DNAJA3: variants seen among roughly 807,000 people sequenced by gnomAD.
DNAJA3 encodes DnaJ heat shock protein family (Hsp40) member A3.
DNAJA3 carries 29 observed loss-of-function variants against 54.9 expected under a neutral mutation model. The observed-to-expected ratio is 0.53, with a 90% CI of 0.39 to 0.72. The LOEUF (loss-of-function observed/expected upper bound fraction) is 0.72. DNAJA3 is among the 30% of genes least tolerant of loss of function. The probability of loss-of-function intolerance (pLI) is 0.00; values close to 1 mark genes in which losing one functional copy is unlikely to be tolerated. For missense variants in DNAJA3, 708 were observed against 639.4 expected (o/e 1.11, Z -1.16); for synonymous variants, 302 against 251.4 (o/e 1.20, Z -1.90).
intron 10 of DNAJA3, among the ~76,000 whole-genome samples, chr16:4,451,564 C>G (rs1475880455): frequency 6.6e-6 from 1 of 151,714 alleles, no homozygotes; most frequent in Non-Finnish European, 1.5e-5. Context: ...TGAGACCAGC[C>G]TGGACAGCAT....
At chr16:4,449,922 T>G (rs2056955481) in intron 9 of DNAJA3, 1 of 152,654 alleles carries the variant, frequency 6.6e-6, no homozygotes, top group Non-Finnish European at 1.5e-5. Context: ...CCCAAGTAGC[T>G]GGGACTATAG....
Position 4,446,896 on chromosome 16 carries a change from G to GCCCT in DNAJA3, c.1008_1011dup (p.Val338ProfsTer61). Reference sequence around the variant, plus strand: ...CATGTTTGGCCTTAGGTGCAGAAAAGCCCTGTGTTCCGGAGGGACGGCGCA... The same window carrying GCCCT: ...CATGTTTGGCCTTAGGTGCAGAAAAGCCCTCCCTGTGTTCCGGAGGGACGGCGCA... On this transcript the variant is annotated frameshift_variant, in exon 8 of 12. Coordinates refer to ENST00000262375, the MANE Select transcript of DNAJA3 (RefSeq NM_005147.6). LOFTEE classifies it high-confidence loss of function. 6.2e-7 allele frequency: 1 copy of GCCCT among 1,614,044 alleles called. No individual in the cohort carries two copies. Among genetic ancestry groups the GCCCT allele is most frequent in the Non-Finnish European group, 8.5e-7 (1 of 1,180,016 alleles).
rs572332973 is a variant in DNAJA3 at position 4,454,808 on chromosome 16, C to T, written c.1340-3C>T. On this transcript the variant is annotated splice_polypyrimidine_tract_variant and splice_region_variant and intron_variant, in intron 10 of 11. Coordinates refer to ENST00000262375, the MANE Select transcript of DNAJA3 (RefSeq NM_005147.6). ...GCCAGTTCTTTCTGCTGTTTGTGCC[C>T]AGGTGGCAGCACCATGGATAGCTCC... 4 of 1,610,250 alleles carry T rather than the reference C, an allele frequency of 2.5e-6. No homozygotes were observed. In the Admixed American group the frequency reaches 5.0e-5, roughly 20 times the overall value.
chr16:4,448,201 T>C (rs1012201744), intron 8 of DNAJA3, among the ~76,000 whole-genome samples: 8 of 151,164 alleles, frequency 5.3e-5, no homozygotes, highest in African/African-American at 1.9e-4. Context: ...TAATTTTTTG[T>C]ATTTTAGTAG....
intron 5 of DNAJA3, chr16:4,442,650 G>A: frequency 5.7e-6 from 3 of 530,890 alleles, no homozygotes; most frequent in Non-Finnish European, 9.8e-6. Context: ...GCGGGGGATT[G>A]CATCCAGTTG....
chr16:4,432,133 C>G (rs931788905), intron 1 of DNAJA3, among the ~76,000 whole-genome samples: 1 of 149,610 alleles, frequency 6.7e-6, no homozygotes, highest in Non-Finnish European at 1.5e-5. Flanking sequence ...TTTTCCATGT[C>G]ATAAGTTTAT....
intron 7 of DNAJA3, among the ~76,000 whole-genome samples, chr16:4,446,238 T>G (rs1057033484): frequency 1.4e-5 from 2 of 145,694 alleles, no homozygotes; most frequent in Admixed American, 1.4e-4. Context: ...TCTAATAAAG[T>G]AAGATTTTTT....
intron 10 of DNAJA3, among the ~76,000 whole-genome samples, chr16:4,452,631 G>A (rs77287085): frequency 0.011 from 1,742 of 152,252 alleles, 37 homozygotes; most frequent in African/African-American, 0.04. Context: ...TGGTGAGGCC[G>A]GATGCAGCGG....
At chr16:4,429,293 G>A (rs767595416) in intron 1 of DNAJA3, among the ~76,000 whole-genome samples, 3 of 151,960 alleles carry the variant, frequency 2.0e-5, no homozygotes, top group Non-Finnish European at 2.9e-5. Context: ...CCGTGATCTC[G>A]GCTCACCGCA....
chr16:4,428,915 G>A (rs1380916207), intron 1 of DNAJA3, among the ~76,000 whole-genome samples: 1 of 141,124 alleles, frequency 7.1e-6, no homozygotes, highest in Non-Finnish European at 1.5e-5. Context: ...TTGAGACGGA[G>A]TCTCACTCTG....
chr16:4,455,700 T>C lies in DNAJA3; in HGVS notation c.*168T>C. 9.8e-7 allele frequency: 1 copy of C among 1,023,672 alleles called. No individual in the cohort carries two copies. Among genetic ancestry groups the C allele is most frequent in the Non-Finnish European group, 1.5e-6 (1 of 680,346 alleles). 63.4% of individuals were successfully genotyped at this position (1,023,672 alleles called of 1,614,324 possible). A position where few individuals can be genotyped will look rare whatever the true frequency, so the allele number is the denominator to read the frequency against. Reference sequence around the variant, plus strand: ...AACAGCAAAATCATGGGACAACACCTCTCTCCACGGAAAGGTCACAGTGGA... The same window carrying C: ...AACAGCAAAATCATGGGACAACACCCCTCTCCACGGAAAGGTCACAGTGGA... On this transcript the variant is annotated 3_prime_UTR_variant, in exon 12 of 12. Transcript: ENST00000262375.
chr16:4,442,869 C>T (rs1215634003), intron 5 of DNAJA3, 148 bp from the exon 6 acceptor site: 4 of 791,546 alleles, frequency 5.1e-6, no homozygotes, highest in Non-Finnish European at 8.0e-6. Context: ...TGAGGCCCTG[C>T]ACCTGGGTTC....
At chr16:4,435,471 TA>T (rs2056762545) in intron 2 of DNAJA3, among the ~76,000 whole-genome samples, 2 of 152,180 alleles carry the variant, frequency 1.3e-5, no homozygotes, top group South Asian at 2.1e-4. Flanking sequence ...CTGTATTCAT[TA>T]GCACTCCCCT....
chr16:4,433,039 G>A (rs951517222), intron 1 of DNAJA3, among the ~76,000 whole-genome samples: 1 of 152,150 alleles, frequency 6.6e-6, no homozygotes, highest in Non-Finnish European at 1.5e-5. Flanking sequence ...CTACTTGGGA[G>A]GCTGAGGCAG....
At chr16:4,431,065 A>G (rs2056693508) in intron 1 of DNAJA3, 1 of 152,164 alleles carries the variant, frequency 6.6e-6, no homozygotes, top group Admixed American at 6.6e-5. Flanking sequence ...AAACAAAGCC[A>G]TCAGTCTTGT....
chr16:4,431,406 C>G (rs569872442), intron 1 of DNAJA3, among the ~76,000 whole-genome samples: 4 of 152,324 alleles, frequency 2.6e-5, no homozygotes, highest in Admixed American at 2.6e-4. Flanking sequence ...ATTGGGTGTG[C>G]CAAACACACG....
intron 2 of DNAJA3, among the ~76,000 whole-genome samples, chr16:4,436,504 G>T (rs528635974): frequency 2.0e-5 from 3 of 152,274 alleles, no homozygotes; most frequent in East Asian, 1.9e-4. Context: ...CAGCAGAGAC[G>T]TCTATTTATT....
chr16:4,448,788 C>T lies in DNAJA3; in HGVS notation c.1181C>T (p.Pro394Leu). Residue 394 changes from proline to leucine, a missense_variant, in exon 9 of 12, where the codon CCC becomes CTC. Pro to Leu is a moderately conservative substitution (Grantham distance 98). Transcript: ENST00000262375. ...QKIRMGGKGI[P>L]RINSYGYGDH... ...ATTCGGATGGGTGGGAAAGGCATCC[C>T]CCGGATTAACAGCTACGGCTACGGA... is the stretch of plus-strand genomic sequence containing the variant. 1 of 1,614,118 alleles carries T rather than the reference C, an allele frequency of 6.2e-7. No homozygotes were observed. The highest frequency in any genetic ancestry group is 8.5e-7 in the Non-Finnish European group (1 of 1,180,016).
Position 4,455,829 on chromosome 16 carries a change from C to G in DNAJA3, c.*297C>G. ...GCAGAGGGAGATGGTTAGACTCTTG[C>G]AGGGCTAAAACTCTAATTTGGAATT... On this transcript the variant is annotated 3_prime_UTR_variant, in exon 12 of 12. Transcript: ENST00000262375. 1 of 568,696 alleles carries G rather than the reference C, an allele frequency of 1.8e-6. No homozygotes were observed. Among genetic ancestry groups the G allele is most frequent in the Non-Finnish European group, 3.1e-6 (1 of 318,040 alleles). 35.2% of individuals were successfully genotyped at this position (568,696 alleles called of 1,614,324 possible). A position where few individuals can be genotyped will look rare whatever the true frequency, so the allele number is the denominator to read the frequency against.
Sources: gnomAD v4.1 joint callset for allele counts (sites outside exome capture counted in the v4.1 genomes callset) on GRCh38, gnomAD v4.1.1 for gene constraint, MANE v1.5 for transcripts, NCBI Gene and HGNC (gene_info 2026-07-23, HGNC 2026-07-21) for gene names.